NRG3: variants seen among roughly 807,000 people sequenced by gnomAD.
The protein encoded by NRG3 is neuregulin 3.
A neutral mutation model predicts 66.9 loss-of-function variants in NRG3; 31 were observed. The observed-to-expected ratio is 0.46, with a 90% CI of 0.35 to 0.63. NRG3 has a LOEUF of 0.63. Among genes scored for constraint, NRG3 ranks in the 20% least tolerant of loss-of-function variants. The probability of loss-of-function intolerance (pLI) is 0.00; values close to 1 mark genes in which losing one functional copy is unlikely to be tolerated. For synonymous variants in NRG3, 393 were observed against 359.4 expected (o/e 1.09, Z -1.06); for missense variants, 910 against 878.9 (o/e 1.04, Z -0.45).
chr10:82,550,514 C>T (rs1401756002), intron 2 of NRG3, among the ~76,000 whole-genome samples: 1 of 152,100 alleles, frequency 6.6e-6, no homozygotes, highest in Non-Finnish European at 1.5e-5. Context: ...AATGAAAAGA[C>T]TTGGGTTATG....
chr10:81,995,700 G>GA lies in NRG3; in HGVS notation c.823+119538dup, dbSNP rs1318116827. On this transcript the variant is annotated intron_variant, in intron 1 of 8. Coordinates refer to ENST00000372141, the MANE Select transcript of NRG3 (RefSeq NM_001010848.4). ...CAATTACTTCCTATGAGTGTCTGGA[G>GA]ATAGGAAGTAGTTGAATGTTGGGGT... Among the ~76,000 whole-genome samples, 3 of 152,142 alleles carry GA rather than the reference G, an allele frequency of 2.0e-5. No homozygotes were observed. In the East Asian group the frequency reaches 5.8e-4, roughly 29 times the overall value.
chr10:82,919,062 AGTGTGTGTGT>A (rs71471761), intron 4 of NRG3, among the ~76,000 whole-genome samples: 8 of 141,752 alleles, frequency 5.6e-5, no homozygotes, highest in African/African-American at 1.3e-4. Context: ...ATAGGGGTGG[AGTGTGTGTGT>A]GTGTGTGTGT....
chr10:82,163,079 A>C (rs981544891), intron 1 of NRG3, among the ~76,000 whole-genome samples: 1 of 152,076 alleles, frequency 6.6e-6, no homozygotes, highest in African/African-American at 2.4e-5. Flanking sequence ...TCAGGCCAGC[A>C]AAAGAGGCCA....
At chr10:82,873,148 C>T (rs932582348) in intron 4 of NRG3, among the ~76,000 whole-genome samples, 5 of 151,866 alleles carry the variant, frequency 3.3e-5, no homozygotes, top group African/African-American at 1.2e-4. Context: ...GGGATTGGTA[C>T]CATGGAAATT....
chr10:82,678,308 T>C (rs910814374), intron 2 of NRG3, among the ~76,000 whole-genome samples: 3 of 151,658 alleles, frequency 2.0e-5, no homozygotes, highest in African/African-American at 4.8e-5. Context: ...GAGATAGGGG[T>C]GGGACCGTTT....
intron 2 of NRG3, among the ~76,000 whole-genome samples, chr10:82,362,079 CAAAAAAAAAA>C (rs58975630): frequency 5.0e-4 from 7 of 13,928 alleles, no homozygotes; most frequent in African/African-American, 9.3e-4. Flanking sequence ...AAAGTACATG[CAAAAAAAAAA>C]AAAAAAAAAA....
intron 1 of NRG3, among the ~76,000 whole-genome samples, chr10:81,967,176 A>G (rs1564697712): frequency 6.6e-6 from 1 of 151,914 alleles, no homozygotes; most frequent in East Asian, 1.9e-4. Flanking sequence ...CTTTGAATAC[A>G]ATATCATCTA....
rs370323563 is a variant in NRG3 at position 81,884,940 on chromosome 10, C to G, written c.823+8777C>G. Among the ~76,000 whole-genome samples the G allele has an allele frequency of 9.9e-5, 15 of 152,264 alleles. No homozygotes were observed. The East Asian group carries it at 1.2e-3, about 12-fold the overall frequency. ...TGGTTTTAATTTTGTTTAGGTAGAA[C>G]ATTTAACATGAAATCTATCTTCTTT... is the stretch of plus-strand genomic sequence containing the variant. On this transcript the variant is annotated intron_variant, in intron 1 of 8. Transcript: ENST00000372141.
chr10:82,035,496 C>T (rs2062756150), intron 1 of NRG3, among the ~76,000 whole-genome samples: 1 of 152,096 alleles, frequency 6.6e-6, no homozygotes, highest in Admixed American at 6.6e-5. Context: ...CTATGATAAA[C>T]TGTAGCCTAG....
At chr10:82,781,825 CG>C (rs2135281056) in intron 3 of NRG3, among the ~76,000 whole-genome samples, 1 of 151,634 alleles carries the variant, frequency 6.6e-6, no homozygotes, top group East Asian at 1.9e-4. Context: ...GCACATGGGC[CG>C]TAAGGAAGTA....
chr10:81,971,257 G>T lies in NRG3; in HGVS notation c.823+95094G>T, dbSNP rs552012951. Among the ~76,000 whole-genome samples, 443 of 152,298 alleles carry T rather than the reference G, an allele frequency of 2.9e-3. 1 individual carries two copies. The highest frequency in any genetic ancestry group is 4.9e-3 in the Non-Finnish European group (336 of 68,038). On this transcript the variant is annotated intron_variant, in intron 1 of 8. Coordinates refer to ENST00000372141, the MANE Select transcript of NRG3 (RefSeq NM_001010848.4). ...TCTCTTTTTATATCAAGTCAGATTT[G>T]ATACTTCTCTCTGTTGGACATGTGG...
intron 1 of NRG3, among the ~76,000 whole-genome samples, chr10:82,159,056 A>G (rs1271307283): frequency 6.6e-6 from 1 of 151,878 alleles, no homozygotes; most frequent in African/African-American, 2.4e-5. Flanking sequence ...ATTCCTTTTA[A>G]GACAAACAAA....
Position 82,016,360 on chromosome 10 carries a change from C to G in NRG3, c.823+140197C>G, listed in dbSNP as rs749984711. Among the ~76,000 whole-genome samples, 69 of 151,726 alleles carry G rather than the reference C, an allele frequency of 4.5e-4. 1 individual carries two copies. Among genetic ancestry groups the G allele is most frequent in the Non-Finnish European group, 2.4e-4 (16 of 67,944 alleles). On this transcript the variant is annotated intron_variant, in intron 1 of 8. Coordinates refer to ENST00000372141, the MANE Select transcript of NRG3 (RefSeq NM_001010848.4). ...AGAGTCTACTTGAAAGATGAGAGTCCAAGGAGGTTGCAAACAGAACCCTCT... is the reference window on the plus strand; with the variant it reads ...AGAGTCTACTTGAAAGATGAGAGTCGAAGGAGGTTGCAAACAGAACCCTCT...
At chr10:82,703,981 A>G (rs2134317920) in intron 2 of NRG3, among the ~76,000 whole-genome samples, 1 of 152,212 alleles carries the variant, frequency 6.6e-6, no homozygotes, top group Non-Finnish European at 1.5e-5. Context: ...TGCCACTTAA[A>G]CGAATGCCAA....
At chr10:82,306,507 T>C (rs1251696119) in intron 1 of NRG3, among the ~76,000 whole-genome samples, 1 of 151,516 alleles carries the variant, frequency 6.6e-6, no homozygotes, top group East Asian at 1.9e-4. Context: ...ATCCAGACCA[T>C]CCTGGCTAAT....
intron 2 of NRG3, among the ~76,000 whole-genome samples, chr10:82,709,666 G>T (rs2056540358): frequency 6.6e-6 from 1 of 152,006 alleles, no homozygotes; most frequent in African/African-American, 2.4e-5. Context: ...GGCTGTTTAA[G>T]CTTGGCTTGT....
In NRG3 at chr10:81,924,625, T is replaced by A. The variant is rs542536558; in HGVS notation, c.823+48462T>A. On this transcript the variant is annotated intron_variant, in intron 1 of 8. Transcript: ENST00000372141. ...TTAAGATGGCCATCAACATGTGAGG[T>A]AGGGAATGTGGACTTTCTATTATGG... 2.8e-3 allele frequency among the ~76,000 whole-genome samples: 420 copies of A among 152,270 alleles called. 2 individuals carry two copies. The highest frequency in any genetic ancestry group is 9.6e-3 in the African/African-American group (398 of 41,548).
chr10:81,941,975 G>A (rs1348368324), intron 1 of NRG3, among the ~76,000 whole-genome samples: 2 of 152,220 alleles, frequency 1.3e-5, no homozygotes, highest in East Asian at 3.9e-4. Flanking sequence ...TCCAACAGAA[G>A]ACTACATTTT....
intron 2 of NRG3, among the ~76,000 whole-genome samples, chr10:82,362,948 T>C (rs1202632485): frequency 6.6e-6 from 1 of 152,128 alleles, no homozygotes; most frequent in African/African-American, 2.4e-5. Context: ...ATAAGTAAAA[T>C]TACATGTTTA....
Sources: allele counts gnomAD v4.1 joint callset (sites outside exome capture counted in the v4.1 genomes callset), GRCh38; gene constraint gnomAD v4.1.1; transcripts MANE v1.5; gene names NCBI Gene and HGNC (gene_info 2026-07-23, HGNC 2026-07-21).